The following PTBP3 variants were observed in gnomAD, a reference collection of about 807,000 sequenced individuals.
The protein encoded by PTBP3 is polypyrimidine tract binding protein 3, also known as polypyrimidine tract-binding protein 3.
Under a neutral mutation model 58.7 loss-of-function variants are expected in PTBP3, and 20 were observed. The observed-to-expected ratio is 0.34, with a 90% CI of 0.24 to 0.50. The LOEUF is 0.50. Ranked by LOEUF, PTBP3 falls within the 20% of genes least tolerant of loss-of-function variation. PTBP3 has a pLI of 0.98. For missense variants in PTBP3, 509 were observed against 637.2 expected (o/e 0.80, Z 2.17); for synonymous variants, 185 against 219.8 (o/e 0.84, Z 1.40).
At chr9:112,317,803 C>G (rs1019345590) in intron 1 of PTBP3, among the ~76,000 whole-genome samples, 3 of 151,874 alleles carry the variant, frequency 2.0e-5, no homozygotes, top group African/African-American at 4.8e-5. Context: ...AAAAATTAGC[C>G]GGGCATGGTG....
chr9:112,374,412 T>A, the PTBP3 span, among the ~76,000 whole-genome samples: 1 of 152,184 alleles, frequency 6.6e-6, no homozygotes, highest in Non-Finnish European at 1.5e-5. Flanking sequence ...GTAGTGCCAC[T>A]TCCACTTCTA....
chr9:112,301,813 T>G (rs759730187), intron 1 of PTBP3, among the ~76,000 whole-genome samples: 17 of 152,340 alleles, frequency 1.1e-4, no homozygotes, highest in Middle Eastern at 3.4e-3. Context: ...TGGAGGAAAC[T>G]TAGTGAGGGG....
At chr9:112,345,364 A>C in the PTBP3 span, among the ~76,000 whole-genome samples, 57 of 111,114 alleles carry the variant, frequency 5.1e-4, no homozygotes, top group Admixed American at 6.2e-3. Context: ...AAAAAAAAAA[A>C]AAAAAAGGAA....
chr9:112,294,872 GA>G (rs150102566), intron 2 of PTBP3, among the ~76,000 whole-genome samples: 100 of 150,954 alleles, frequency 6.6e-4, no homozygotes, highest in African/African-American at 2.2e-3. Flanking sequence ...ATGAAAACAG[GA>G]AAAAAAAATT....
chr9:112,311,281 T>C (rs373007779), intron 1 of PTBP3, among the ~76,000 whole-genome samples: 4 of 152,060 alleles, frequency 2.6e-5, no homozygotes, highest in African/African-American at 7.2e-5. Context: ...TTGAAAATAT[T>C]TGGAAAAAAA....
Position 112,222,451 on chromosome 9 carries a change from C to T in PTBP3, c.*1400G>A. The stretch of plus-strand genomic sequence containing the variant: ...TGAGGACTGAGAAAAACCAAGTAAT[C>T]CTGAGACAAATTCTGATGGGTGAAA... On this transcript the variant is annotated 3_prime_UTR_variant, in exon 14 of 14. Transcript: ENST00000374257. 1.0e-6 allele frequency: 1 copy of T among 985,476 alleles called. No individual in the cohort carries two copies. Among genetic ancestry groups the T allele is most frequent in the Non-Finnish European group, 1.2e-6 (1 of 829,896 alleles). 61.0% of individuals were successfully genotyped at this position (985,476 alleles called of 1,614,324 possible). A position where few individuals can be genotyped will look rare whatever the true frequency, so the allele number is the denominator to read the frequency against.
upstream of PTBP3, among the ~76,000 whole-genome samples, chr9:112,337,857 T>C (rs538917837): frequency 1.3e-5 from 2 of 152,328 alleles, no homozygotes; most frequent in South Asian, 2.1e-4. Flanking sequence ...CCTATTTCTG[T>C]TTACAGGTAA....
intron 2 of PTBP3, among the ~76,000 whole-genome samples, chr9:112,281,842 G>C (rs1827881471): frequency 6.6e-6 from 1 of 152,160 alleles, no homozygotes; most frequent in Non-Finnish European, 1.5e-5. Flanking sequence ...AATATTCACT[G>C]AATCTACTTA....
At chr9:112,240,967 T>C (rs1214750585) in intron 7 of PTBP3, among the ~76,000 whole-genome samples, 1 of 152,148 alleles carries the variant, frequency 6.6e-6, no homozygotes, top group Non-Finnish European at 1.5e-5. Context: ...TAAACAAAAA[T>C]ATTTTCTACA....
At chr9:112,294,653 G>A (rs1828589809) in intron 2 of PTBP3, among the ~76,000 whole-genome samples, 1 of 152,158 alleles carries the variant, frequency 6.6e-6, no homozygotes, top group African/African-American at 2.4e-5. Flanking sequence ...CATTTATGGA[G>A]GTTCCAGTGA....
intron 5 of PTBP3, among the ~76,000 whole-genome samples, chr9:112,260,851 T>C (rs187602741): frequency 5.3e-5 from 8 of 152,312 alleles, no homozygotes; most frequent in African/African-American, 1.9e-4. Context: ...CACTTGCTAC[T>C]GAGGACACTC....
At chr9:112,296,066 C>T (rs12002795) in intron 2 of PTBP3, among the ~76,000 whole-genome samples, 46,212 of 151,976 alleles carry the variant, frequency 0.3, 7,523 homozygotes, top group South Asian at 0.41. Flanking sequence ...TTAATGTTAG[C>T]GTATTTTATG....
chr9:112,361,396 G>A, the PTBP3 span, among the ~76,000 whole-genome samples: 1 of 152,110 alleles, frequency 6.6e-6, no homozygotes, highest in African/African-American at 2.4e-5. Flanking sequence ...ATGGCACCCA[G>A]CCTAAACTTC....
chr9:112,254,671 A>G (rs184381853), intron 5 of PTBP3, among the ~76,000 whole-genome samples: 6 of 152,330 alleles, frequency 3.9e-5, no homozygotes, highest in African/African-American at 1.2e-4. Flanking sequence ...TCAAAACTAC[A>G]TATCACCTAA....
At chr9:112,256,128 C>T (rs1248322938) in intron 5 of PTBP3, among the ~76,000 whole-genome samples, 1 of 151,474 alleles carries the variant, frequency 6.6e-6, no homozygotes, top group South Asian at 2.1e-4. Flanking sequence ...GTGGTGCATG[C>T]CTGTAATCCC....
In PTBP3 at chr9:112,222,702, A is replaced by C; in HGVS notation, c.*1149T>G. ...AAATTTTAAATCCTTACCAAAACAGAGAAAGAAAAAACAAAATGCTTACCA... is the reference window on the plus strand; with the variant it reads ...AAATTTTAAATCCTTACCAAAACAGCGAAAGAAAAAACAAAATGCTTACCA... On this transcript the variant is annotated 3_prime_UTR_variant, in exon 14 of 14. Transcript: ENST00000374257. 5.1e-6 allele frequency: 5 copies of C among 981,822 alleles called. No homozygotes were observed. Among genetic ancestry groups the C allele is most frequent in the Non-Finnish European group, 3.6e-6 (3 of 826,238 alleles). The allele number at this position is 981,822 out of a possible 1,614,324, so 60.8% of individuals were successfully genotyped here.
intron 1 of PTBP3, among the ~76,000 whole-genome samples, chr9:112,301,925 AG>A (rs747309232): frequency 7.2e-5 from 11 of 152,192 alleles, no homozygotes; most frequent in Non-Finnish European, 1.6e-4. Flanking sequence ...ATAGGACAAC[AG>A]GTACTTCATT....
At position 112,227,563 on chromosome 9, in the gene PTBP3, A is replaced by G; in HGVS notation, c.1212T>C (p.His404=). Residue 404 remains histidine (H), a synonymous_variant, in exon 12 of 14, where the codon CAT becomes CAC. Coordinates refer to ENST00000374257, the MANE Select transcript of PTBP3 (RefSeq NM_001163788.4). ...CCTCTCGAGGAAGCTGTACTGCTTG[A>G]TGTTTGGACAGTGTAGCACGAAGCA... The part of the protein sequence containing the change: ...GKVLRATLSK[H]QAVQLPREGQ... 1 of 1,613,996 alleles carries G rather than the reference A, an allele frequency of 6.2e-7. No individual in the cohort carries two copies. Among genetic ancestry groups the G allele is most frequent in the Non-Finnish European group, 8.5e-7 (1 of 1,179,942 alleles).
intron 1 of PTBP3, among the ~76,000 whole-genome samples, chr9:112,298,304 G>GT (rs1228931179): frequency 6.6e-6 from 1 of 152,056 alleles, no homozygotes; most frequent in African/African-American, 2.4e-5. Context: ...CAATACCAAC[G>GT]TATTTTTTTA....
Sources: allele counts gnomAD v4.1 joint callset (sites outside exome capture counted in the v4.1 genomes callset), GRCh38; gene constraint gnomAD v4.1.1; transcripts MANE v1.5; gene names NCBI Gene and HGNC (gene_info 2026-07-23, HGNC 2026-07-21).